MEI4: variants seen among roughly 807,000 people sequenced by gnomAD.
MEI4 encodes the protein meiosis-specific protein MEI4.
A neutral mutation model predicts 31.4 loss-of-function variants in MEI4; 27 were observed. That is an observed-to-expected ratio of 0.86 (90% CI 0.63 to 1.19). The LOEUF is 1.19. Ranked by LOEUF, MEI4 falls within the 50% of genes most tolerant of loss-of-function variation. The probability of loss-of-function intolerance (pLI) is 0.00; values close to 1 mark genes in which losing one functional copy is unlikely to be tolerated. For synonymous variants in MEI4, 122 were observed against 145.4 expected (o/e 0.84, Z 1.16); for missense variants, 329 against 398.9 (o/e 0.82, Z 1.49).
chr6:77,855,343 TA>T lies in MEI4; in HGVS notation c.900+26293del, dbSNP rs879898671. 2.8e-3 allele frequency among the ~76,000 whole-genome samples: 400 copies of T among 141,980 alleles called. 1 individual carries two copies. Among genetic ancestry groups the T allele is most frequent in the African/African-American group, 3.4e-3 (133 of 38,862 alleles). The allele number at this position is 141,980 out of a possible 152,430, so 93.1% of individuals were successfully genotyped here. On this transcript the variant is annotated intron_variant, in intron 4 of 4. Coordinates refer to ENST00000684080, the MANE Select transcript of MEI4 (RefSeq NM_001322247.2). Reference sequence around the variant, plus strand: ...CGGGGCAACACAGCAAGACTCCATCTAAAAAAAAAAAAGACAATTACTGCAT... The same window carrying T: ...CGGGGCAACACAGCAAGACTCCATCTAAAAAAAAAAAGACAATTACTGCAT...
chr6:77,756,298 T>C (rs1367475049), intron 2 of MEI4, among the ~76,000 whole-genome samples: 1 of 152,106 alleles, frequency 6.6e-6, no homozygotes, highest in Non-Finnish European at 1.5e-5. Context: ...CTAAGAAAAC[T>C]TTTTTTCCTA....
chr6:77,871,893 C>T (rs1396778719), intron 4 of MEI4, among the ~76,000 whole-genome samples: 1 of 151,944 alleles, frequency 6.6e-6, no homozygotes, highest in African/African-American at 2.4e-5. Flanking sequence ...GAATAACAGT[C>T]CTAGATACCA....
intron 4 of MEI4, among the ~76,000 whole-genome samples, chr6:77,865,969 C>A (rs370249374): frequency 2.0e-3 from 299 of 151,910 alleles, no homozygotes; most frequent in African/African-American, 6.6e-3. Context: ...ACAGAACCAA[C>A]GACAAAAACC....
intron 4 of MEI4, among the ~76,000 whole-genome samples, chr6:77,859,330 G>A (rs541682169): frequency 2.6e-5 from 4 of 152,136 alleles, no homozygotes; most frequent in East Asian, 1.9e-4. Context: ...ATAAACATAC[G>A]TGTGCATGTG....
intron 2 of MEI4, among the ~76,000 whole-genome samples, chr6:77,705,660 A>G (rs1056868265): frequency 6.6e-6 from 1 of 152,208 alleles, no homozygotes; most frequent in Non-Finnish European, 1.5e-5. Flanking sequence ...TGGGATCCAC[A>G]TTGGCTTTAC....
intron 4 of MEI4, among the ~76,000 whole-genome samples, chr6:77,916,030 T>C (rs1766536614): frequency 6.6e-6 from 1 of 152,060 alleles, no homozygotes; most frequent in African/African-American, 2.4e-5. Context: ...TTTTTAATTC[T>C]GCTTGACCTA....
At chr6:77,779,552 TATC>T (rs1319516452) in intron 3 of MEI4, among the ~76,000 whole-genome samples, 5 of 152,234 alleles carry the variant, frequency 3.3e-5, no homozygotes, top group Non-Finnish European at 7.3e-5. Flanking sequence ...GTATAAAAGT[TATC>T]ATATTTGCAT....
intron 2 of MEI4, among the ~76,000 whole-genome samples, chr6:77,743,666 C>A (rs561747764): frequency 2.0e-5 from 3 of 152,298 alleles, no homozygotes; most frequent in Non-Finnish European, 2.9e-5. Context: ...ACTGCCTCCT[C>A]AAGTGGGTCC....
intron 2 of MEI4, among the ~76,000 whole-genome samples, chr6:77,710,507 CAAGACTCCATCTCAAAA>C (rs1472586718): frequency 1.2e-5 from 1 of 84,640 alleles, no homozygotes; most frequent in East Asian, 3.8e-4. Flanking sequence ...GGTGACAGAG[CAAGACTCCATCTCAAAA>C]AAAAAAAAAA....
chr6:77,756,358 C>T (rs1249319168), intron 2 of MEI4, among the ~76,000 whole-genome samples: 1 of 152,026 alleles, frequency 6.6e-6, no homozygotes, highest in African/African-American at 2.4e-5. Flanking sequence ...CAGCTGCCCA[C>T]TATTATTTAC....
At chr6:77,674,736 C>T (rs1044135943) in intron 1 of MEI4, among the ~76,000 whole-genome samples, 2 of 151,970 alleles carry the variant, frequency 1.3e-5, no homozygotes, top group African/African-American at 4.8e-5. Context: ...ACCCACCTCC[C>T]AGATTAAAAA....
intron 2 of MEI4, among the ~76,000 whole-genome samples, chr6:77,712,167 T>C (rs1374481777): frequency 6.6e-6 from 1 of 152,180 alleles, no homozygotes; most frequent in African/African-American, 2.4e-5. Flanking sequence ...TTTAAGAGGG[T>C]ACTTTGTTTG....
At chr6:77,875,300 G>A (rs1771306974) in intron 4 of MEI4, among the ~76,000 whole-genome samples, 1 of 152,118 alleles carries the variant, frequency 6.6e-6, no homozygotes, top group Admixed American at 6.5e-5. Flanking sequence ...TTCCTACAAA[G>A]CACATACTAC....
chr6:77,793,300 C>G (rs937235873), intron 3 of MEI4, among the ~76,000 whole-genome samples: 11 of 152,198 alleles, frequency 7.2e-5, no homozygotes, highest in Admixed American at 2.6e-4. Flanking sequence ...TCCAGCAAAG[C>G]TGTCCTTCAT....
At chr6:77,794,356 G>T (rs933026231) in intron 3 of MEI4, among the ~76,000 whole-genome samples, 1 of 152,138 alleles carries the variant, frequency 6.6e-6, no homozygotes, top group African/African-American at 2.4e-5. Flanking sequence ...GAGGTCAGGA[G>T]ATCGAGACCA....
chr6:77,652,703 C>A (rs927376089), upstream of MEI4, among the ~76,000 whole-genome samples: 1 of 152,092 alleles, frequency 6.6e-6, no homozygotes, highest in Non-Finnish European at 1.5e-5. Flanking sequence ...AGCAGAGTGC[C>A]TAGAATCCAG....
chr6:77,713,031 T>A (rs1713550801), intron 2 of MEI4, among the ~76,000 whole-genome samples: 1 of 151,736 alleles, frequency 6.6e-6, no homozygotes, highest in African/African-American at 2.4e-5. Context: ...AGATGAATTC[T>A]TGGAGACACA....
chr6:77,773,213 A>C (rs1768359757), intron 3 of MEI4, among the ~76,000 whole-genome samples: 1 of 152,028 alleles, frequency 6.6e-6, no homozygotes, highest in Non-Finnish European at 1.5e-5. Context: ...ATATAGAACC[A>C]CAAAAGACCC....
At chr6:77,683,589 T>C (rs1768997683) in intron 1 of MEI4, among the ~76,000 whole-genome samples, 1 of 152,136 alleles carries the variant, frequency 6.6e-6, no homozygotes, top group Admixed American at 6.6e-5. Flanking sequence ...AAACCACCAT[T>C]CTATCTCTGT....
Sources: allele counts gnomAD v4.1 joint callset (sites outside exome capture counted in the v4.1 genomes callset), GRCh38; gene constraint gnomAD v4.1.1; transcripts MANE v1.5; gene names NCBI Gene and HGNC (gene_info 2026-07-23, HGNC 2026-07-21).